Variants in KATNA1 observed in about 807,000 individuals in gnomAD.
The protein encoded by KATNA1 is katanin catalytic subunit A1.
Under a neutral mutation model 62.6 loss-of-function variants are expected in KATNA1, and 42 were observed. The observed-to-expected ratio is 0.67, with a 90% CI of 0.52 to 0.87. The LOEUF (loss-of-function observed/expected upper bound fraction) is 0.87, where lower values mean the gene tolerates loss of function less well. Among genes scored for constraint, KATNA1 ranks in the 40% least tolerant of loss-of-function variants. The pLI is 0.00. For missense variants in KATNA1, 498 were observed against 612.5 expected (o/e 0.81, Z 1.97); for synonymous variants, 186 against 201.9 (o/e 0.92, Z 0.67).
intron 1 of KATNA1, among the ~76,000 whole-genome samples, chr6:149,645,656 C>A (rs150109135): frequency 6.6e-6 from 1 of 152,138 alleles, no homozygotes; most frequent in East Asian, 1.9e-4. Flanking sequence ...CAAGTTTTTC[C>A]TTTACATTAT....
rs750719824 is a variant in KATNA1, at chr6:149,603,369, C to A, written c.628G>T (p.Asp210Tyr). 1 of 1,519,638 alleles carries A rather than the reference C, an allele frequency of 6.6e-7. No homozygotes were observed. The highest frequency in any genetic ancestry group is 2.3e-5 in the East Asian group (1 of 43,986). 94.1% of individuals were successfully genotyped at this position (1,519,638 alleles called of 1,614,324 possible). A position where few individuals can be genotyped will look rare whatever the true frequency, so the allele number is the denominator to read the frequency against. ...TTAGCTTCTACTAAATCAGCGATAT[C>A]ATCCCTGAAAGAGAAGACATTTTAT... ...ISQNPNVRWD[D>Y]IADLVEAKKL... Residue 210 changes from aspartate (D) to tyrosine (Y), a missense_variant, in exon 6 of 11, where the codon GAT (aspartate) becomes TAT (tyrosine). Transcript: ENST00000367411.
At chr6:149,612,573 A>G (rs1407864189) in intron 4 of KATNA1, among the ~76,000 whole-genome samples, 2 of 152,158 alleles carry the variant, frequency 1.3e-5, no homozygotes, top group African/African-American at 2.4e-5. Context: ...ACAGAAGGAA[A>G]ATTTCTCAAT....
At chr6:149,643,327 G>T (rs572890988) in intron 1 of KATNA1, among the ~76,000 whole-genome samples, 3 of 152,314 alleles carry the variant, frequency 2.0e-5, no homozygotes, top group Non-Finnish European at 4.4e-5. Flanking sequence ...AAGGCATCCA[G>T]CTAAGTCATG....
At chr6:149,603,590 G>A (rs1312230441) in intron 5 of KATNA1, among the ~76,000 whole-genome samples, 1 of 152,166 alleles carries the variant, frequency 6.6e-6, no homozygotes, top group African/African-American at 2.4e-5. Context: ...GCGGTTGACA[G>A]TTTTTAGCCT....
intron 4 of KATNA1, among the ~76,000 whole-genome samples, chr6:149,617,576 C>A (rs574748988): frequency 6.6e-6 from 1 of 151,204 alleles, no homozygotes; most frequent in African/African-American, 2.4e-5. Flanking sequence ...CCGAGGCGGG[C>A]GGATCACGAG....
At chr6:149,612,101 C>T (rs1482474930) in intron 4 of KATNA1, among the ~76,000 whole-genome samples, 1 of 152,180 alleles carries the variant, frequency 6.6e-6, no homozygotes, top group Non-Finnish European at 1.5e-5. Flanking sequence ...CAAACTACCA[C>T]AACTCACCTA....
chr6:149,597,296 T>A, intron 9 of KATNA1, 107 bp from the exon 10 acceptor site: 1 of 1,321,674 alleles, frequency 7.6e-7, no homozygotes. Context: ...AAGAATTGGA[T>A]CTCTAAGAAG....
chr6:149,607,056 CCTGACTATCAGGAACATATA>C (rs1778766943), intron 4 of KATNA1, among the ~76,000 whole-genome samples: 1 of 152,168 alleles, frequency 6.6e-6, no homozygotes, highest in Non-Finnish European at 1.5e-5. Context: ...GGACACTGTA[CCTGACTATCAGGAACATATA>C]CTGTAAGCCA....
At chr6:149,615,785 C>T (rs1779148323) in intron 4 of KATNA1, among the ~76,000 whole-genome samples, 1 of 151,942 alleles carries the variant, frequency 6.6e-6, no homozygotes, top group Non-Finnish European at 1.5e-5. Flanking sequence ...GCAACACAGT[C>T]AGACCCTGTC....
chr6:149,601,804 T>C lies in KATNA1; in HGVS notation c.730-52A>G, dbSNP rs1433414384. On this transcript the variant is annotated intron_variant, in intron 6 of 10. Coordinates refer to ENST00000367411, the MANE Select transcript of KATNA1 (RefSeq NM_007044.4). ...GAGGATTTATCTGCCATTGTTCTAA[T>C]TCATAAAAGTGTCATTACTAAGTAG... The C allele has an allele frequency of 6.5e-6, 9 of 1,391,492 alleles. No individual in the cohort carries two copies. In the South Asian group the frequency reaches 1.5e-4, roughly 23 times the overall value. The allele number at this position is 1,391,492 out of a possible 1,614,324, so 86.2% of individuals were successfully genotyped here. A position where few individuals can be genotyped will look rare whatever the true frequency, so the allele number is the denominator to read the frequency against.
chr6:149,613,615 A>T (rs1299574318), intron 4 of KATNA1, among the ~76,000 whole-genome samples: 1 of 152,166 alleles, frequency 6.6e-6, no homozygotes, highest in Non-Finnish European at 1.5e-5. Flanking sequence ...ATTTCCACCT[A>T]AACAAAAACT....
At chr6:149,599,123 C>G (rs970737827) in intron 7 of KATNA1, among the ~76,000 whole-genome samples, 1 of 151,994 alleles carries the variant, frequency 6.6e-6, no homozygotes, top group South Asian at 2.1e-4. Context: ...CCTCGGCCTC[C>G]CAAAATGCTA....
chr6:149,627,841 G>C (rs1779678667), intron 3 of KATNA1, among the ~76,000 whole-genome samples: 1 of 151,950 alleles, frequency 6.6e-6, no homozygotes, highest in African/African-American at 2.4e-5. Flanking sequence ...GCAGGTGAAA[G>C]GAGTGAAGCA....
chr6:149,639,489 C>T (rs774823628), intron 1 of KATNA1, among the ~76,000 whole-genome samples: 5 of 152,022 alleles, frequency 3.3e-5, no homozygotes, highest in Non-Finnish European at 7.4e-5. Flanking sequence ...ATCACAGCTA[C>T]TCAGGAGGCT....
At chr6:149,617,312 T>C (rs1452273721) in intron 4 of KATNA1, among the ~76,000 whole-genome samples, 1 of 152,160 alleles carries the variant, frequency 6.6e-6, no homozygotes, top group Admixed American at 6.5e-5. Context: ...ATATTTTAAA[T>C]GGTAAATTTT....
intron 8 of KATNA1, 41 bp downstream of exon 8, chr6:149,598,183 C>T (rs749385964): frequency 1.2e-6 from 2 of 1,607,848 alleles, no homozygotes; most frequent in Admixed American, 3.4e-5. Flanking sequence ...CCACACCTAA[C>T]AACCTCCCGT....
intron 4 of KATNA1, among the ~76,000 whole-genome samples, chr6:149,622,484 C>A (rs1022531710): frequency 3.9e-5 from 6 of 152,040 alleles, no homozygotes; most frequent in Non-Finnish European, 7.4e-5. Flanking sequence ...TCAAAAGGGG[C>A]ATAATATTAA....
chr6:149,611,471 A>T (rs1778953258), intron 4 of KATNA1, among the ~76,000 whole-genome samples: 1 of 149,682 alleles, frequency 6.7e-6, no homozygotes, highest in African/African-American at 2.5e-5. Context: ...TCAAAAAAAA[A>T]AAAAAAAAGA....
chr6:149,634,924 AT>A (rs995157881), intron 2 of KATNA1, among the ~76,000 whole-genome samples: 8 of 144,932 alleles, frequency 5.5e-5, no homozygotes, highest in East Asian at 4.1e-4. Context: ...CAACCAAGGT[AT>A]TTTTTTAAAA....
Sources: allele counts gnomAD v4.1 joint callset (sites outside exome capture counted in the v4.1 genomes callset), GRCh38; gene constraint gnomAD v4.1.1; transcripts MANE v1.5; gene names NCBI Gene and HGNC (gene_info 2026-07-23, HGNC 2026-07-21).